The following SCHIP1 variants were observed in gnomAD, a reference collection of about 807,000 sequenced individuals.
SCHIP1 encodes schwannomin interacting protein 1.
A neutral mutation model predicts 29.7 loss-of-function variants in SCHIP1; 8 were observed. The ratio of observed to expected loss-of-function variants is 0.27; its 90% CI spans 0.16 to 0.49. The LOEUF is 0.49. Among genes scored for constraint, SCHIP1 ranks in the 20% least tolerant of loss-of-function variants. The pLI, the probability that SCHIP1 is intolerant of heterozygous loss-of-function variation, is 0.99. For synonymous variants in SCHIP1, 76 were observed against 94.9 expected (o/e 0.80, Z 1.16); for missense variants, 193 against 294.6 (o/e 0.66, Z 2.52).
At chr3:159,854,937 C>T (rs1713146411) in intron 1 of SCHIP1, among the ~76,000 whole-genome samples, 1 of 152,214 alleles carries the variant, frequency 6.6e-6, no homozygotes, top group Non-Finnish European at 1.5e-5. Flanking sequence ...TGAGACAGGG[C>T]TGACTAAAGC....
At chr3:159,385,694 G>A in the SCHIP1 span, among the ~76,000 whole-genome samples, 35 of 152,060 alleles carry the variant, frequency 2.3e-4, no homozygotes, top group Admixed American at 5.9e-4. Flanking sequence ...TCTTATTGTA[G>A]GGTATTTTAG....
the SCHIP1 span, among the ~76,000 whole-genome samples, chr3:159,577,886 T>G: frequency 1.3e-5 from 2 of 152,212 alleles, no homozygotes; most frequent in Non-Finnish European, 2.9e-5. Flanking sequence ...ACTGATCATT[T>G]GAGAAAGAGG....
chr3:159,790,997 T>C, the SCHIP1 span, among the ~76,000 whole-genome samples: 58 of 152,302 alleles, frequency 3.8e-4, no homozygotes, highest in African/African-American at 1.3e-3. Flanking sequence ...TAAAACCGCT[T>C]CTGAGAAATC....
chr3:159,567,442 G>A, the SCHIP1 span, among the ~76,000 whole-genome samples: 1 of 151,888 alleles, frequency 6.6e-6, no homozygotes, highest in Non-Finnish European at 1.5e-5. Context: ...TTCTCCTGAT[G>A]GCCTAACATT....
the SCHIP1 span, among the ~76,000 whole-genome samples, chr3:159,561,342 T>A: frequency 6.6e-6 from 1 of 152,190 alleles, no homozygotes; most frequent in Non-Finnish European, 1.5e-5. Context: ...TGGGTTTTCC[T>A]CCACTGAATC....
the SCHIP1 span, among the ~76,000 whole-genome samples, chr3:159,288,418 G>T: frequency 6.6e-6 from 1 of 152,172 alleles, no homozygotes; most frequent in East Asian, 1.9e-4. Flanking sequence ...ACAGATGACT[G>T]ATAACCTTTT....
chr3:159,554,403 G>T, the SCHIP1 span, among the ~76,000 whole-genome samples: 1 of 152,096 alleles, frequency 6.6e-6, no homozygotes, highest in Non-Finnish European at 1.5e-5. Context: ...TGTGCTATTT[G>T]TCTTTTTGGC....
the SCHIP1 span, among the ~76,000 whole-genome samples, chr3:159,826,041 T>C: frequency 1.3e-5 from 2 of 152,150 alleles, no homozygotes; most frequent in African/African-American, 2.4e-5. Flanking sequence ...TCAGGGCCAA[T>C]AACATAATGC....
At chr3:159,845,445 A>G (rs1427486638) in intron 1 of SCHIP1, 1 of 148,892 alleles carries the variant, frequency 6.7e-6, no homozygotes, top group African/African-American at 2.5e-5. Flanking sequence ...CTGTGGCGCA[A>G]TCTTGGCTCA....
At chr3:159,273,900 T>C in the SCHIP1 span, 2,781 of 1,612,914 alleles carry the variant, frequency 1.7e-3, 64 homozygotes, top group South Asian at 0.028. Context: ...TTTACAAATG[T>C]CTACCATCTA....
At chr3:159,664,268 C>A in the SCHIP1 span, among the ~76,000 whole-genome samples, 1 of 152,118 alleles carries the variant, frequency 6.6e-6, no homozygotes, top group Non-Finnish European at 1.5e-5. Flanking sequence ...GGTGGAGAGA[C>A]CTAGAATCTA....
At chr3:159,715,370 G>A in the SCHIP1 span, among the ~76,000 whole-genome samples, 1 of 152,204 alleles carries the variant, frequency 6.6e-6, no homozygotes, top group Admixed American at 6.5e-5. Context: ...CTCCTCAGCA[G>A]CAACAGAACA....
chr3:159,638,104 T>A, the SCHIP1 span, among the ~76,000 whole-genome samples: 1 of 152,154 alleles, frequency 6.6e-6, no homozygotes, highest in East Asian at 1.9e-4. Context: ...AAGTACCAAG[T>A]CCTCCTTCTG....
chr3:159,453,418 G>A, the SCHIP1 span, among the ~76,000 whole-genome samples: 3 of 152,144 alleles, frequency 2.0e-5, no homozygotes, highest in South Asian at 2.1e-4. Flanking sequence ...CATCACCATC[G>A]GCAGTTGGTT....
At chr3:159,654,698 T>A in the SCHIP1 span, among the ~76,000 whole-genome samples, 26 of 149,312 alleles carry the variant, frequency 1.7e-4, no homozygotes, top group East Asian at 4.5e-3. Flanking sequence ...TAGGGGCCCA[T>A]GGGGAATTGG....
At chr3:159,496,343 G>T in the SCHIP1 span, among the ~76,000 whole-genome samples, 1 of 152,094 alleles carries the variant, frequency 6.6e-6, no homozygotes, top group African/African-American at 2.4e-5. Flanking sequence ...GAAAATTTTT[G>T]CAACCTACTC....
chr3:159,651,871 C>T, the SCHIP1 span, among the ~76,000 whole-genome samples: 12 of 152,080 alleles, frequency 7.9e-5, no homozygotes, highest in African/African-American at 1.9e-4. Flanking sequence ...CTGAGGTAGG[C>T]GGATCACCAA....
the SCHIP1 span, among the ~76,000 whole-genome samples, chr3:159,299,438 G>C: frequency 6.6e-6 from 1 of 152,134 alleles, no homozygotes; most frequent in South Asian, 2.1e-4. Flanking sequence ...GATACAGATG[G>C]CCCTTTGAAT....
intron 1 of SCHIP1, chr3:159,845,968 T>C (rs1711772218): frequency 6.6e-6 from 1 of 152,046 alleles, no homozygotes; most frequent in Admixed American, 6.5e-5. Flanking sequence ...TGTGCCAGAA[T>C]TGGGGGTGCA....
Sources: allele counts gnomAD v4.1 joint callset (sites outside exome capture counted in the v4.1 genomes callset), GRCh38; gene constraint gnomAD v4.1.1; transcripts MANE v1.5; gene names NCBI Gene and HGNC (gene_info 2026-07-23, HGNC 2026-07-21).